The following KNL1 variants were observed in gnomAD, a reference collection of about 807,000 sequenced individuals.
KNL1 encodes the protein outer kinetochore KNL1 complex subunit KNL1.
Under a neutral mutation model 201.3 loss-of-function variants are expected in KNL1, and 66 were observed. That is an observed-to-expected ratio of 0.33 (90% CI 0.27 to 0.40). The LOEUF (loss-of-function observed/expected upper bound fraction) is 0.40, where lower values mean the gene tolerates loss of function less well. KNL1 is among the 10% of genes least tolerant of loss of function. KNL1 has a pLI of 1.00. For missense variants in KNL1, 2,815 were observed against 2,690.5 expected, an observed-to-expected ratio of 1.05 and a Z score of -1.02; for synonymous variants, 895 against 899.2, an observed-to-expected ratio of 1.00 and a Z score of 0.08.
chr15:40,645,800 AAG>A (rs746084680), intron 16 of KNL1, 28 bp downstream of exon 16: 9 of 1,119,996 alleles, frequency 8.0e-6, no homozygotes, highest in South Asian at 1.5e-5. Context: ...ATATCATAGA[AAG>A]AGAGAGATAT....
intron 13 of KNL1, among the ~76,000 whole-genome samples, chr15:40,634,727 G>GA (rs1429896006): frequency 1.3e-5 from 2 of 152,062 alleles, no homozygotes; most frequent in African/African-American, 4.8e-5. Context: ...AGAGTATTAG[G>GA]AGACCAAGAC....
At position 40,602,897 on chromosome 15, in the gene KNL1, A is replaced by T; in HGVS notation, c.-17-18A>T. On this transcript the variant is annotated intron_variant, in intron 1 of 25. Coordinates refer to ENST00000399668, the MANE Select transcript of KNL1 (RefSeq NM_144508.5). ...TTCCTTTTTCCTCATGTTTTCTAATATTGTATATTTGTTACAGAAAAGTTT... is the reference window on the plus strand; with the variant it reads ...TTCCTTTTTCCTCATGTTTTCTAATTTTGTATATTTGTTACAGAAAAGTTT... 1 of 1,384,908 alleles carries T rather than the reference A, an allele frequency of 7.2e-7. No homozygotes were observed. Among genetic ancestry groups the T allele is most frequent in the Non-Finnish European group, 1.0e-6 (1 of 979,898 alleles). The allele number at this position is 1,384,908 out of a possible 1,614,324, so 85.8% of individuals were successfully genotyped here. A position where few individuals can be genotyped will look rare whatever the true frequency, so the allele number is the denominator to read the frequency against.
chr15:40,603,049 T>A lies in KNL1; in HGVS notation c.35+83T>A, dbSNP rs991997466. On this transcript the variant is annotated intron_variant, in intron 2 of 25. Transcript: ENST00000399668. Reference sequence around the variant, plus strand: ...TAATTAGTAAGACCTATCCATAACTTCTGAGATCTTTTTCCATTGTGTTCC... The same window carrying A: ...TAATTAGTAAGACCTATCCATAACTACTGAGATCTTTTTCCATTGTGTTCC... 8 of 865,598 alleles carry A rather than the reference T, an allele frequency of 9.2e-6. No individual in the cohort carries two copies. In the Admixed American group the frequency reaches 1.5e-4, roughly 16 times the overall value. 53.6% of individuals were successfully genotyped at this position (865,598 alleles called of 1,614,324 possible). A position where few individuals can be genotyped will look rare whatever the true frequency, so the allele number is the denominator to read the frequency against.
rs376341590 is a variant in KNL1 at position 40,654,937 on chromosome 15, T to C, written c.6444T>C (p.Tyr2148=). 45 of 1,613,008 alleles carry C rather than the reference T, an allele frequency of 2.8e-5. No homozygotes were observed. The highest frequency in any genetic ancestry group is 3.6e-5 in the Non-Finnish European group (43 of 1,179,610). ...GTTTCCCTTTCCTGGACAAGCGTTA[T>C]AGGAAGATTGTTGATGTCAATTTTC... ...VVGFPFLDKR[Y]RKIVDVNFQS... is the part of the protein sequence containing the mutation. The change falls in exon 22 of 26, where the codon TAT becomes TAC. Residue 2148 remains tyrosine (Y), a synonymous_variant. Coordinates refer to ENST00000399668, the MANE Select transcript of KNL1 (RefSeq NM_144508.5).
At chr15:40,618,240 A>T (rs1229537744) in intron 8 of KNL1, among the ~76,000 whole-genome samples, 1 of 151,768 alleles carries the variant, frequency 6.6e-6, no homozygotes, top group Admixed American at 6.6e-5. Flanking sequence ...CCCTAACATG[A>T]CCTCTTGCGT....
In KNL1 at chr15:40,625,308, A is replaced by T. The variant is rs183164344; in HGVS notation, c.5044A>T (p.Asn1682Tyr). ...EQIPADTTDI[N>Y]HLETQPVSSK... Reference sequence around the variant, plus strand: ...GATTCCAGCAGACACAACTGATATAAATCACTTAGAAACTCAGCCGGTCTC... The same window carrying T: ...GATTCCAGCAGACACAACTGATATATATCACTTAGAAACTCAGCCGGTCTC... Residue 1682 changes from asparagine to tyrosine, a missense_variant, in exon 10 of 26, where the codon AAT (asparagine) becomes TAT (tyrosine). By Grantham distance (143) the Asn-to-Tyr change is moderately radical. Around this residue, in one of 3 missense-constraint regions of KNL1, gnomAD observed 2,464 missense variants for 2,291.7 expected, o/e 1.08. Coordinates refer to ENST00000399668, the MANE Select transcript of KNL1 (RefSeq NM_144508.5). 1.9e-5 allele frequency: 31 copies of T among 1,614,070 alleles called. No homozygotes were observed. In the African/African-American group the frequency reaches 3.2e-4, roughly 17 times the overall value.
intron 14 of KNL1, 36 bp downstream of exon 14, chr15:40,641,063 A>G: frequency 1.5e-6 from 2 of 1,355,400 alleles, no homozygotes; most frequent in Non-Finnish European, 2.1e-6. Context: ...TGTTTTTTTG[A>G]GGGGAGGGAT....
In KNL1 at chr15:40,621,623, A is replaced by G; in HGVS notation, c.1359A>G (p.Leu453=). 6.2e-7 allele frequency: 1 copy of G among 1,611,828 alleles called. No homozygotes were observed. The highest frequency in any genetic ancestry group is 2.2e-5 in the East Asian group (1 of 44,862). ...ATATGAGAGAGGAGAAAAATTTGCT[A>G]AAGCATGACAGTAATTATGCTAAAA... ...LSNMREEKNL[L]KHDSNYAKMY... The change falls in exon 10 of 26, where the codon CTA becomes CTG. Residue 453 remains leucine, a synonymous_variant. Transcript: ENST00000399668.
At chr15:40,655,006 A>T (rs756410580) in intron 22 of KNL1, 29 bp downstream of exon 22, 2 of 1,575,736 alleles carry the variant, frequency 1.3e-6, no homozygotes, top group Admixed American at 3.3e-5. Flanking sequence ...AGCCTCTAAA[A>T]ATTTGTTGGG....
chr15:40,653,722 TCCTTTTCCTATCTCATACTA>T, intron 21 of KNL1, among the ~76,000 whole-genome samples: 1 of 152,332 alleles, frequency 6.6e-6, no homozygotes, highest in South Asian at 2.1e-4. Flanking sequence ...TGAATTTTTC[TCCTTTTCCTATCTCATACTA>T]CCTTCCTACC....
Position 40,619,703 on chromosome 15 carries a change from C to G in KNL1, c.375+692C>G, listed in dbSNP as rs1187829520. Among the ~76,000 whole-genome samples the G allele has an allele frequency of 2.6e-5, 4 of 152,136 alleles. 1 individual carries two copies. The highest frequency in any genetic ancestry group is 5.9e-5 in the Non-Finnish European group (4 of 68,016). On this transcript the variant is annotated intron_variant, in intron 9 of 25. Transcript: ENST00000399668. Reference sequence around the variant, plus strand: ...ACAAGTGTGAGCCACCAAGCCCAGTCTAGAATGTAATATAGATTAGCCATC... The same window carrying G: ...ACAAGTGTGAGCCACCAAGCCCAGTGTAGAATGTAATATAGATTAGCCATC...
chr15:40,601,107 C>T (rs1288275519), intron 1 of KNL1, among the ~76,000 whole-genome samples: 1 of 152,322 alleles, frequency 6.6e-6, no homozygotes, highest in South Asian at 2.1e-4. Context: ...CAGTAGCAGC[C>T]CAGCATTAGC....
Position 40,625,094 on chromosome 15 carries a change from A to G in KNL1, c.4830A>G (p.Ile1610Met). 1 of 1,613,798 alleles carries G rather than the reference A, an allele frequency of 6.2e-7. No individual in the cohort carries two copies. The highest frequency in any genetic ancestry group is 8.5e-7 in the Non-Finnish European group (1 of 1,179,868). ...VQATEIHNINIISSNAKDSRD... is the reference protein window; with the variant it reads ...VQATEIHNINMISSNAKDSRD... ...CTACAGAAATACATAATATTAACAT[A>G]ATCTCCAGCAATGCTAAAGATAGTA... The change falls in exon 10 of 26, where the codon ATA (isoleucine) becomes ATG (methionine). Residue 1610 changes from isoleucine to methionine, a missense_variant. Ile to Met is a conservative substitution (Grantham distance 10). This residue lies in a region of KNL1 where 2,464 missense variants were observed against 2,291.7 expected (regional missense o/e 1.08). Coordinates refer to ENST00000399668, the MANE Select transcript of KNL1 (RefSeq NM_144508.5).
intron 22 of KNL1, 30 bp downstream of exon 22, chr15:40,655,007 A>C (rs1332238921): frequency 1.9e-6 from 3 of 1,572,406 alleles, no homozygotes; most frequent in Non-Finnish European, 2.6e-6. Context: ...GCCTCTAAAA[A>C]TTTGTTGGGG....
intron 7 of KNL1, among the ~76,000 whole-genome samples, chr15:40,613,915 A>G (rs1282473775): frequency 6.6e-6 from 1 of 151,862 alleles, no homozygotes; most frequent in Non-Finnish European, 1.5e-5. Context: ...CTCCTGCCTC[A>G]GCCTCCCTAG....
rs773658713 is a variant in KNL1, at chr15:40,620,731, G to A, written c.467G>A (p.Ser156Asn). Reference protein sequence around the residue: ...SDENQMDLTSSHTVMITKGLL... With the variant: ...SDENQMDLTSNHTVMITKGLL... Reference sequence around the variant, plus strand: ...GAAAACCAGATGGACCTGACATCAAGTCACACTGTAATGATTACCAAAGGC... The same window carrying A: ...GAAAACCAGATGGACCTGACATCAAATCACACTGTAATGATTACCAAAGGC... Residue 156 changes from serine (S) to asparagine (N), a missense_variant, in exon 10 of 26, where the codon AGT becomes AAT. By Grantham distance (46) the Ser-to-Asn change is conservative. Coordinates refer to ENST00000399668, the MANE Select transcript of KNL1 (RefSeq NM_144508.5). 6.2e-7 allele frequency: 1 copy of A among 1,611,394 alleles called. No homozygotes were observed. The highest frequency in any genetic ancestry group is 1.3e-5 in the African/African-American group (1 of 74,824).
chr15:40,647,051 A>T lies in KNL1; in HGVS notation c.6071A>T (p.Asn2024Ile). 3 of 1,529,212 alleles carry T rather than the reference A, an allele frequency of 2.0e-6. No homozygotes were observed. The South Asian group carries it at 3.4e-5, about 17-fold the overall frequency. The allele number at this position is 1,529,212 out of a possible 1,614,324, so 94.7% of individuals were successfully genotyped here. A position where few individuals can be genotyped will look rare whatever the true frequency, so the allele number is the denominator to read the frequency against. Residue 2024 changes from asparagine to isoleucine, a missense_variant, in exon 17 of 26, where the codon AAC (asparagine) becomes ATC (isoleucine). Asn to Ile is a moderately radical substitution (Grantham distance 149, BLOSUM62 -3). Coordinates refer to ENST00000399668, the MANE Select transcript of KNL1 (RefSeq NM_144508.5). ...GATAAAATACTTAAGAAGATCGATA[A>T]CTGCCTCACTGAGATGGAAACAGGT... Reference protein sequence around the residue: ...EMDKILKKIDNCLTEMETETK... With the variant: ...EMDKILKKIDICLTEMETETK...
At chr15:40,608,755 A>T in intron 4 of KNL1, 92 bp from the exon 5 acceptor site, 1 of 924,620 alleles carries the variant, frequency 1.1e-6, no homozygotes, top group Non-Finnish European at 1.6e-6. Context: ...CAAAAAAAAA[A>T]AAAAAAGGAC....
chr15:40,658,797 G>GCA, intron 24 of KNL1, among the ~76,000 whole-genome samples: 1 of 150,908 alleles, frequency 6.6e-6, no homozygotes, highest in Admixed American at 6.6e-5. Flanking sequence ...GGGCCTGGTG[G>GCA]CACACACCTG....
Sources: gnomAD v4.1 joint callset for allele counts (sites outside exome capture counted in the v4.1 genomes callset) on GRCh38, gnomAD v4.1.1 for gene constraint, gnomAD v4.1.1 regional missense constraint, MANE v1.5 for transcripts, NCBI Gene and HGNC (gene_info 2026-07-23, HGNC 2026-07-21) for gene names.